The following CPQ variants were observed in gnomAD, a reference collection of about 807,000 sequenced individuals.
CPQ encodes Ser-Met dipeptidase.
CPQ carries 37 observed loss-of-function variants against 45.7 expected under a neutral mutation model. The observed-to-expected ratio is 0.81, with a 90% CI of 0.62 to 1.07. The LOEUF is 1.07. Ranked by LOEUF, CPQ falls within the 50% of genes least tolerant of loss-of-function variation. CPQ has a pLI of 0.00. For missense variants in CPQ, 537 were observed against 572.9 expected (o/e 0.94, Z 0.64); for synonymous variants, 186 against 205.8 (o/e 0.90, Z 0.82).
At chr8:96,740,538 G>A (rs867485692) in intron 1 of CPQ, among the ~76,000 whole-genome samples, 30 of 151,818 alleles carry the variant, frequency 2.0e-4, no homozygotes, top group South Asian at 1.9e-3. Flanking sequence ...CCTGTCTTAT[G>A]CCAGTTTTCA....
chr8:97,066,230 T>G lies in CPQ; in HGVS notation c.1255+20T>G. The G allele has an allele frequency of 6.2e-7, 1 of 1,600,384 alleles. No homozygotes were observed. The highest frequency in any genetic ancestry group is 8.5e-7 in the Non-Finnish European group (1 of 1,174,538). On this transcript the variant is annotated intron_variant, in intron 7 of 7. Coordinates refer to ENST00000220763, the MANE Select transcript of CPQ (RefSeq NM_016134.4). ...TGCCTGGTAAGACCAAAAGATGAAG[T>G]TGTGTTCCTTATATATTGCCAACAA...
rs538362423 is a variant in CPQ at position 96,901,541 on chromosome 8, T to C, written c.849+21536T>C. On this transcript the variant is annotated intron_variant, in intron 4 of 7. Transcript: ENST00000220763. ...TGTGTAATCAGAATACATTTTGCTTTGAAGAATATTTTAAATTAAGTAAGA... is the reference window on the plus strand; with the variant it reads ...TGTGTAATCAGAATACATTTTGCTTCGAAGAATATTTTAAATTAAGTAAGA... Among the ~76,000 whole-genome samples, 17 of 152,314 alleles carry C rather than the reference T, an allele frequency of 1.1e-4. No homozygotes were observed. In the South Asian group the frequency reaches 3.3e-3, roughly 30 times the overall value.
At chr8:97,105,102 C>T (rs1811382069) in intron 7 of CPQ, among the ~76,000 whole-genome samples, 1 of 152,190 alleles carries the variant, frequency 6.6e-6, no homozygotes, top group Non-Finnish European at 1.5e-5. Context: ...CGGCATTGTG[C>T]CTTCTTGATT....
intron 4 of CPQ, among the ~76,000 whole-genome samples, chr8:96,959,633 CATT>C (rs1411900579): frequency 6.6e-6 from 1 of 151,988 alleles, no homozygotes; most frequent in Non-Finnish European, 1.5e-5. Context: ...AGCTGAAGCC[CATT>C]ATTAGGTCAC....
intron 5 of CPQ, among the ~76,000 whole-genome samples, chr8:97,001,721 C>CTTTTTTTT (rs61282246): frequency 0.03 from 2,726 of 91,896 alleles, 1 homozygote; most frequent in Non-Finnish European, 0.036. Context: ...TTCTTTCTTT[C>CTTTTTTTT]TTTTTTTTTT....
intron 3 of CPQ, among the ~76,000 whole-genome samples, chr8:96,869,857 G>A (rs1812043689): frequency 6.6e-6 from 1 of 151,930 alleles, no homozygotes; most frequent in African/African-American, 2.4e-5. Context: ...TGAAAATAAA[G>A]GTCAAAGAGG....
At chr8:96,771,229 A>G (rs1810540027) in intron 1 of CPQ, among the ~76,000 whole-genome samples, 1 of 151,498 alleles carries the variant, frequency 6.6e-6, no homozygotes. Context: ...AATAATAACT[A>G]TGGAAGTGCA....
chr8:96,893,971 T>C (rs2130891433), intron 4 of CPQ, among the ~76,000 whole-genome samples: 1 of 152,280 alleles, frequency 6.6e-6, no homozygotes, highest in East Asian at 1.9e-4. Context: ...AAGTGCTGGG[T>C]TATGGCAGCC....
chr8:96,667,614 G>A (rs1308570709), intron 1 of CPQ, among the ~76,000 whole-genome samples: 1 of 152,032 alleles, frequency 6.6e-6, no homozygotes, highest in Non-Finnish European at 1.5e-5. Context: ...TTCCCAAAGT[G>A]CTAGGATTAC....
chr8:96,745,910 T>C (rs1586384353), intron 1 of CPQ, among the ~76,000 whole-genome samples: 1 of 152,262 alleles, frequency 6.6e-6, no homozygotes, highest in African/African-American at 2.4e-5. Context: ...AGTTGTACTT[T>C]AGAACAGACG....
intron 3 of CPQ, among the ~76,000 whole-genome samples, chr8:96,836,382 CA>C (rs1811531156): frequency 1.3e-5 from 2 of 152,020 alleles, no homozygotes; most frequent in Admixed American, 6.6e-5. Flanking sequence ...GATATCTTCC[CA>C]GGGGAGGAGG....
intron 7 of CPQ, among the ~76,000 whole-genome samples, chr8:97,121,121 C>A (rs1811694778): frequency 6.7e-6 from 1 of 149,994 alleles, no homozygotes; most frequent in African/African-American, 2.4e-5. Context: ...TAAATAGTTA[C>A]AGTGCTGTAT....
chr8:96,942,344 G>A (rs929431273), intron 4 of CPQ, among the ~76,000 whole-genome samples: 2 of 152,174 alleles, frequency 1.3e-5, no homozygotes, highest in Non-Finnish European at 2.9e-5. Context: ...CCAGATGCAT[G>A]TTAAGGAAGG....
At chr8:96,804,910 A>T (rs547665681) in intron 2 of CPQ, among the ~76,000 whole-genome samples, 25 of 152,142 alleles carry the variant, frequency 1.6e-4, no homozygotes, top group Non-Finnish European at 3.2e-4. Context: ...TAAAACATTT[A>T]GTGCTTTGTT....
intron 3 of CPQ, among the ~76,000 whole-genome samples, chr8:96,853,658 TTTG>T (rs1811803079): frequency 6.6e-6 from 1 of 151,962 alleles, no homozygotes; most frequent in Admixed American, 6.6e-5. Context: ...TTTTGAAAGG[TTTG>T]TTGTTGTTGA....
chr8:97,078,296 A>C (rs1329112960), intron 7 of CPQ, among the ~76,000 whole-genome samples: 1 of 152,174 alleles, frequency 6.6e-6, no homozygotes, highest in Admixed American at 6.5e-5. Context: ...TCTTCAAAGA[A>C]TCCAATTTAT....
At chr8:96,754,132 A>C (rs1354749886) in intron 1 of CPQ, among the ~76,000 whole-genome samples, 2 of 152,052 alleles carry the variant, frequency 1.3e-5, no homozygotes, top group Admixed American at 1.3e-4. Flanking sequence ...GTTATTTAGA[A>C]TTTTCACAAC....
chr8:96,896,904 A>G (rs1232069593), intron 4 of CPQ, among the ~76,000 whole-genome samples: 2 of 152,186 alleles, frequency 1.3e-5, no homozygotes, highest in African/African-American at 4.8e-5. Flanking sequence ...TGGACTAGAA[A>G]TTTAAGATTG....
At chr8:96,885,208 G>A (rs1212370738) in intron 4 of CPQ, among the ~76,000 whole-genome samples, 7 of 152,154 alleles carry the variant, frequency 4.6e-5, no homozygotes, top group African/African-American at 1.7e-4. Flanking sequence ...GGCAAGAGAT[G>A]GTGAGAGCAA....
Sources: allele counts gnomAD v4.1 joint callset (sites outside exome capture counted in the v4.1 genomes callset), GRCh38; gene constraint gnomAD v4.1.1; transcripts MANE v1.5; gene names NCBI Gene and HGNC (gene_info 2026-07-23, HGNC 2026-07-21).